The following RB1CC1 variants were observed in gnomAD, a reference collection of about 807,000 sequenced individuals.
RB1CC1 encodes the protein RB1-inducible coiled-coil protein 1.
In RB1CC1, 46 loss-of-function variants were observed where a neutral mutation model predicts 177.5. The ratio of observed to expected loss-of-function variants is 0.26; its 90% CI spans 0.20 to 0.33. RB1CC1 has a LOEUF of 0.33. Among genes scored for constraint, RB1CC1 ranks in the 10% least tolerant of loss-of-function variants. RB1CC1 has a pLI of 1.00. For synonymous variants in RB1CC1, 666 were observed against 613.6 expected, an observed-to-expected ratio of 1.09 and a Z score of -1.26; for missense variants, 1,703 against 1,816.3, an observed-to-expected ratio of 0.94 and a Z score of 1.13.
chr8:52,642,713 G>A lies in RB1CC1; in HGVS notation c.4087C>T (p.Arg1363Trp), dbSNP rs200366727. 81 of 1,575,574 alleles carry A rather than the reference G, an allele frequency of 5.1e-5. No individual in the cohort carries two copies. In the East Asian group the frequency reaches 5.4e-4, roughly 10 times the overall value. Residue 1363 changes from arginine to tryptophan, a missense_variant, in exon 17 of 24, where the codon CGG becomes TGG. By Grantham distance (101) the Arg-to-Trp change is moderately radical. Around this residue, in one of 6 missense-constraint regions of RB1CC1, gnomAD observed 1,169 missense variants for 1,184.7 expected, o/e 0.99. Coordinates refer to ENST00000025008, the MANE Select transcript of RB1CC1 (RefSeq NM_014781.5). The stretch of plus-strand genomic sequence containing the variant: ...ACAAAACAGTACAAACCTTTATCCC[G>A]TTCTTGTTGCTGCATTGTACTTTTC... ...KLKSTMQQQE[R>W]DKDLIESLSE...
Position 52,656,110 on chromosome 8 carries a change from T to G in RB1CC1, c.3719A>C (p.Glu1240Ala). ...TTCTTTTAGGGCAGTCTGAATAGCT[T>G]CATCTTTTTCACAATTAAGCTTCTG... ...LIQKLNCEKD[E>A]AIQTALKEFK... Residue 1240 changes from glutamate (E) to alanine (A), a missense_variant, in exon 15 of 24, where the codon GAA becomes GCA. Coordinates refer to ENST00000025008, the MANE Select transcript of RB1CC1 (RefSeq NM_014781.5). 1 of 1,613,728 alleles carries G rather than the reference T, an allele frequency of 6.2e-7. No individual in the cohort carries two copies. The highest frequency in any genetic ancestry group is 8.5e-7 in the Non-Finnish European group (1 of 1,179,820).
At chr8:52,664,877 C>T (rs1215418263) in intron 8 of RB1CC1, among the ~76,000 whole-genome samples, 1 of 152,064 alleles carries the variant, frequency 6.6e-6, no homozygotes, top group Non-Finnish European at 1.5e-5. Flanking sequence ...TTTTATATTA[C>T]TAACAAATAT....
chr8:52,639,616 A>T (rs1386795235), intron 18 of RB1CC1, among the ~76,000 whole-genome samples: 1 of 152,222 alleles, frequency 6.6e-6, no homozygotes, highest in African/African-American at 2.4e-5. Context: ...ATACTTACAA[A>T]TAAAAAGAAG....
rs1248931474 is a variant in RB1CC1 at position 52,623,123 on chromosome 8, T to A, written c.*659A>T. 1 of 154,046 alleles carries A rather than the reference T, an allele frequency of 6.5e-6. No individual in the cohort carries two copies. The allele number at this position is 154,046 out of a possible 1,614,324, so 9.5% of individuals were successfully genotyped here. A position where few individuals can be genotyped will look rare whatever the true frequency, so the allele number is the denominator to read the frequency against. ...CAGACTCTTCCCTTTAGAACCCAGA[T>A]GACCAATCCACTGAAAGTGCTTTTG... is the stretch of plus-strand genomic sequence containing the variant. On this transcript the variant is annotated 3_prime_UTR_variant, in exon 24 of 24. Coordinates refer to ENST00000025008, the MANE Select transcript of RB1CC1 (RefSeq NM_014781.5).
chr8:52,648,758 T>C (rs1021089305), intron 15 of RB1CC1, among the ~76,000 whole-genome samples: 2 of 152,098 alleles, frequency 1.3e-5, no homozygotes, highest in Non-Finnish European at 2.9e-5. Context: ...CACAGATAGG[T>C]TGGGTCTTAC....
chr8:52,643,408 A>G (rs970247274), intron 16 of RB1CC1, among the ~76,000 whole-genome samples: 4 of 152,310 alleles, frequency 2.6e-5, no homozygotes, highest in Middle Eastern at 3.4e-3. Flanking sequence ...TCTGTATAAA[A>G]ATTTTGCTTA....
At chr8:52,658,572 G>A (rs1399624154) in intron 13 of RB1CC1, among the ~76,000 whole-genome samples, 1 of 95,880 alleles carries the variant, frequency 1.0e-5, no homozygotes, top group African/African-American at 4.4e-5. Flanking sequence ...GCGAGACTCC[G>A]TCTCAAGAAA....
intron 8 of RB1CC1, among the ~76,000 whole-genome samples, chr8:52,663,120 A>T (rs1851771902): frequency 6.6e-6 from 1 of 152,144 alleles, no homozygotes; most frequent in African/African-American, 2.4e-5. Flanking sequence ...ATCATCTAGT[A>T]CTAATTCATT....
chr8:52,651,750 C>G (rs1331605525), intron 15 of RB1CC1, among the ~76,000 whole-genome samples: 1 of 152,084 alleles, frequency 6.6e-6, no homozygotes, highest in Non-Finnish European at 1.5e-5. Context: ...TTAGAATATT[C>G]TTGAATAGTA....
intron 15 of RB1CC1, among the ~76,000 whole-genome samples, chr8:52,648,387 C>T (rs1398547220): frequency 6.6e-6 from 1 of 152,094 alleles, no homozygotes; most frequent in Non-Finnish European, 1.5e-5. Context: ...TTTACATTAC[C>T]CTAGGATCTG....
At chr8:52,689,925 C>CTTT (rs1854664731) in intron 1 of RB1CC1, among the ~76,000 whole-genome samples, 1 of 151,726 alleles carries the variant, frequency 6.6e-6, no homozygotes, top group South Asian at 2.1e-4. Flanking sequence ...GAGCCAGACT[C>CTTT]TTTCTCAAAA....
At chr8:52,666,529 A>AAG (rs1554541876) in intron 8 of RB1CC1, among the ~76,000 whole-genome samples, 232 of 149,706 alleles carry the variant, frequency 1.5e-3, no homozygotes, top group African/African-American at 4.9e-3. Flanking sequence ...AAAAAAAAAA[A>AAG]AAAGAAAGAA....
rs734137 is a variant in RB1CC1 at position 52,654,473 on chromosome 8, C to G, written c.3821+1535G>C. Among the ~76,000 whole-genome samples, 956 of 152,260 alleles carry G rather than the reference C, an allele frequency of 6.3e-3. 11 individuals carry two copies. The highest frequency in any genetic ancestry group is 0.022 in the African/African-American group (928 of 41,556). Reference sequence around the variant, plus strand: ...TTCCTGGCAAGTAACTGAGAACTATCCATTTTGTGATGCAGATTGAGTCAG... The same window carrying G: ...TTCCTGGCAAGTAACTGAGAACTATGCATTTTGTGATGCAGATTGAGTCAG... On this transcript the variant is annotated intron_variant, in intron 15 of 23. Coordinates refer to ENST00000025008, the MANE Select transcript of RB1CC1 (RefSeq NM_014781.5).
chr8:52,694,144 C>G (rs903911935), intron 1 of RB1CC1, among the ~76,000 whole-genome samples: 1 of 152,100 alleles, frequency 6.6e-6, no homozygotes, highest in Non-Finnish European at 1.5e-5. Context: ...TCCTCACACA[C>G]TTCACTCCCA....
At chr8:52,681,359 G>C (rs1853703228) in intron 5 of RB1CC1, among the ~76,000 whole-genome samples, 1 of 152,058 alleles carries the variant, frequency 6.6e-6, no homozygotes, top group Admixed American at 6.5e-5. Flanking sequence ...TATGGTTTGT[G>C]CATTTTTCAG....
chr8:52,649,887 A>G (rs1850416716), intron 15 of RB1CC1, among the ~76,000 whole-genome samples: 1 of 152,196 alleles, frequency 6.6e-6, no homozygotes, highest in Admixed American at 6.5e-5. Flanking sequence ...AAACTTTAAT[A>G]ATTCCAAATT....
rs1848156430 is a variant in RB1CC1 at position 52,623,042 on chromosome 8, TAG to T, written c.*738_*739del. On this transcript the variant is annotated 3_prime_UTR_variant, in exon 24 of 24. Coordinates refer to ENST00000025008, the MANE Select transcript of RB1CC1 (RefSeq NM_014781.5). ...TACGATTTCATCAATATGATTATTC[TAG>T]AGTCATAAAGATGTTGGGAAGGTTT... 6.6e-6 allele frequency: 1 copy of T among 152,260 alleles called. No homozygotes were observed. Among genetic ancestry groups the T allele is most frequent in the Admixed American group, 6.6e-5 (1 of 15,206 alleles). The allele number at this position is 152,260 out of a possible 1,614,324, so 9.4% of individuals were successfully genotyped here.
chr8:52,636,414 GT>G (rs1849146390), intron 18 of RB1CC1, among the ~76,000 whole-genome samples: 1 of 152,156 alleles, frequency 6.6e-6, no homozygotes, highest in South Asian at 2.1e-4. Context: ...AAAGACTTCA[GT>G]AGATTTACTA....
chr8:52,692,140 A>G (rs1217079807), intron 1 of RB1CC1, among the ~76,000 whole-genome samples: 1 of 152,230 alleles, frequency 6.6e-6, no homozygotes, highest in Non-Finnish European at 1.5e-5. Flanking sequence ...ACACAGGTCA[A>G]TAAATTCATT....
Sources: gnomAD v4.1 joint callset for allele counts (sites outside exome capture counted in the v4.1 genomes callset) on GRCh38, gnomAD v4.1.1 for gene constraint, gnomAD v4.1.1 regional missense constraint, MANE v1.5 for transcripts, NCBI Gene and HGNC (gene_info 2026-07-23, HGNC 2026-07-21) for gene names.